Variants in CTNNA2 observed in about 807,000 individuals in gnomAD.
CTNNA2 encodes the protein catenin alpha 2, also known as catenin alpha-2.
A neutral mutation model predicts 101.0 loss-of-function variants in CTNNA2; 42 were observed. The ratio of observed to expected loss-of-function variants is 0.42; its 90% CI spans 0.32 to 0.54. CTNNA2 has a LOEUF of 0.54. CTNNA2 is among the 20% of genes least tolerant of loss of function. CTNNA2 has a pLI of 0.14. For missense variants in CTNNA2, 871 were observed against 1,223.1 expected, an observed-to-expected ratio of 0.71 and a Z score of 4.29; for synonymous variants, 450 against 456.4, an observed-to-expected ratio of 0.99 and a Z score of 0.18.
intron 7 of CTNNA2, among the ~76,000 whole-genome samples, chr2:80,039,656 G>A (rs1695906117): frequency 6.6e-6 from 1 of 152,096 alleles, no homozygotes; most frequent in African/African-American, 2.4e-5. Context: ...GACATTTACT[G>A]GAGTCTCCCA....
Position 80,581,683 on chromosome 2 carries a change from G to A in CTNNA2, c.1894-23G>A, listed in dbSNP as rs775793857. On this transcript the variant is annotated intron_variant, in intron 13 of 18. Coordinates refer to ENST00000402739, the MANE Select transcript of CTNNA2 (RefSeq NM_001282597.3). The stretch of plus-strand genomic sequence containing the variant: ...TGAAGATTATCAATTTAAGTATGCT[G>A]ACTTATATCTTTTTGTCTTTAGACC... The A allele has an allele frequency of 1.1e-5, 16 of 1,430,956 alleles. No homozygotes were observed. In the South Asian group the frequency reaches 1.5e-4, roughly 13 times the overall value. 88.6% of individuals were successfully genotyped at this position (1,430,956 alleles called of 1,614,324 possible). A position where few individuals can be genotyped will look rare whatever the true frequency, so the allele number is the denominator to read the frequency against.
chr2:80,013,632 C>T (rs182291959), intron 7 of CTNNA2, among the ~76,000 whole-genome samples: 5 of 152,266 alleles, frequency 3.3e-5, no homozygotes, highest in African/African-American at 1.2e-4. Context: ...CCATCTAACC[C>T]TGTTGTTCTC....
intron 18 of CTNNA2, among the ~76,000 whole-genome samples, chr2:80,622,738 T>C (rs1011441154): frequency 6.6e-6 from 1 of 151,832 alleles, no homozygotes; most frequent in Admixed American, 6.6e-5. Flanking sequence ...AAACTGTTTT[T>C]GTATTTCTTG....
chr2:80,597,447 T>C (rs552136555), intron 15 of CTNNA2, among the ~76,000 whole-genome samples: 3 of 152,128 alleles, frequency 2.0e-5, no homozygotes, highest in African/African-American at 7.2e-5. Flanking sequence ...CCAAAAGCAA[T>C]TGTAACAAAA....
At chr2:79,786,052 G>A (rs1674816857) in intron 3 of CTNNA2, among the ~76,000 whole-genome samples, 1 of 152,100 alleles carries the variant, frequency 6.6e-6, no homozygotes, top group African/African-American at 2.4e-5. Flanking sequence ...ATATTCCATA[G>A]GGAAACACAT....
intron 1 of CTNNA2, among the ~76,000 whole-genome samples, chr2:79,637,512 A>G (rs1680155697): frequency 6.6e-6 from 1 of 152,192 alleles, no homozygotes; most frequent in African/African-American, 2.4e-5. Flanking sequence ...TTGAACTTTC[A>G]GGAAACAAAG....
At chr2:80,638,758 A>ATTT (rs1673134506) in intron 18 of CTNNA2, among the ~76,000 whole-genome samples, 2 of 152,354 alleles carry the variant, frequency 1.3e-5, no homozygotes, top group South Asian at 2.1e-4. Flanking sequence ...AAATGAAGAC[A>ATTT]GTTAATCAGT....
chr2:79,261,285 C>A (rs1215011142), intron 2 of CTNNA2, among the ~76,000 whole-genome samples: 1 of 152,126 alleles, frequency 6.6e-6, no homozygotes, highest in Non-Finnish European at 1.5e-5. Flanking sequence ...GGGAGAAAAG[C>A]AACTGGATAA....
At chr2:80,274,148 T>C (rs1013066572) in intron 7 of CTNNA2, among the ~76,000 whole-genome samples, 11 of 152,154 alleles carry the variant, frequency 7.2e-5, no homozygotes, top group African/African-American at 2.7e-4. Flanking sequence ...GGTCACATTT[T>C]GCAGAATATT....
intron 7 of CTNNA2, among the ~76,000 whole-genome samples, chr2:80,019,800 T>C (rs1029761698): frequency 1.3e-5 from 2 of 152,228 alleles, no homozygotes; most frequent in African/African-American, 2.4e-5. Flanking sequence ...GACTGTTTCA[T>C]ACTTCTGTTC....
At chr2:79,365,914 C>T (rs923215770) in intron 3 of CTNNA2, among the ~76,000 whole-genome samples, 8 of 152,100 alleles carry the variant, frequency 5.3e-5, no homozygotes, top group East Asian at 1.9e-4. Context: ...CTGGCAAGTG[C>T]GATGGATTGT....
chr2:80,244,167 G>A (rs1481428222), intron 7 of CTNNA2, among the ~76,000 whole-genome samples: 1 of 152,246 alleles, frequency 6.6e-6, no homozygotes, highest in Non-Finnish European at 1.5e-5. Context: ...CAGAACCGTG[G>A]TGTAATAAAT....
rs528221894 is a variant in CTNNA2 at position 79,955,609 on chromosome 2, A to G, written c.1056+45812A>G. ...GCTCTGTCACTCAGGCTGCAATGCA[A>G]TGGTGCAACCACAGCCTTGACCTTC... On this transcript the variant is annotated intron_variant, in intron 7 of 18. Coordinates refer to ENST00000402739, the MANE Select transcript of CTNNA2 (RefSeq NM_001282597.3). Among the ~76,000 whole-genome samples, 67 of 152,324 alleles carry G rather than the reference A, an allele frequency of 4.4e-4. 1 individual carries two copies. Among genetic ancestry groups the G allele is most frequent in the Admixed American group, 2.0e-4 (3 of 15,296 alleles).
intron 2 of CTNNA2, among the ~76,000 whole-genome samples, chr2:79,202,714 G>T (rs1171913588): frequency 6.9e-6 from 1 of 145,318 alleles, no homozygotes; most frequent in Non-Finnish European, 1.5e-5. Context: ...GGGTGGAAGG[G>T]CTTATGGTTC....
chr2:79,550,787 A>C (rs559094272), intron 1 of CTNNA2, among the ~76,000 whole-genome samples: 239 of 152,298 alleles, frequency 1.6e-3, no homozygotes, highest in African/African-American at 5.4e-3. Context: ...CAACGTGAAT[A>C]AACTAAGACA....
At chr2:79,438,983 A>G (rs1357730702) in intron 4 of CTNNA2, among the ~76,000 whole-genome samples, 1 of 152,244 alleles carries the variant, frequency 6.6e-6, no homozygotes, top group African/African-American at 2.4e-5. Flanking sequence ...ATTGTTAACT[A>G]GTACATCCAC....
intron 1 of CTNNA2, among the ~76,000 whole-genome samples, chr2:79,594,739 C>CT (rs1677078906): frequency 6.6e-6 from 1 of 152,058 alleles, no homozygotes; most frequent in African/African-American, 2.4e-5. Context: ...GTTTATCTCT[C>CT]TTTTTTATAT....
At chr2:80,073,602 T>A (rs796528779) in intron 7 of CTNNA2, among the ~76,000 whole-genome samples, 102 of 152,184 alleles carry the variant, frequency 6.7e-4, no homozygotes, top group African/African-American at 2.1e-3. Flanking sequence ...TGTGTAAAAA[T>A]TTGAGATTGA....
intron 4 of CTNNA2, among the ~76,000 whole-genome samples, chr2:79,403,763 G>A (rs1277025284): frequency 1.3e-5 from 2 of 151,942 alleles, no homozygotes; most frequent in Non-Finnish European, 2.9e-5. Context: ...TCTAAAAGTA[G>A]GGTTTTAGCA....
Sources: allele counts gnomAD v4.1 joint callset (sites outside exome capture counted in the v4.1 genomes callset), GRCh38; gene constraint gnomAD v4.1.1; transcripts MANE v1.5; gene names NCBI Gene and HGNC (gene_info 2026-07-23, HGNC 2026-07-21).